The following ABRAXAS1 variants were observed in gnomAD, a reference collection of about 807,000 sequenced individuals.
ABRAXAS1 encodes BRCA1-A complex subunit Abraxas 1.
A neutral mutation model predicts 38.4 loss-of-function variants in ABRAXAS1; 26 were observed. The ratio of observed to expected loss-of-function variants is 0.68; its 90% CI spans 0.50 to 0.94. ABRAXAS1 has a LOEUF of 0.94. Ranked by LOEUF, ABRAXAS1 falls within the 40% of genes least tolerant of loss-of-function variation. The probability of loss-of-function intolerance (pLI) is 0.00; values close to 1 mark genes in which losing one functional copy is unlikely to be tolerated. For missense variants in ABRAXAS1, 438 were observed against 481.9 expected, an observed-to-expected ratio of 0.91 and a Z score of 0.85; for synonymous variants, 144 against 165.5, an observed-to-expected ratio of 0.87 and a Z score of 1.00.
intron 7 of ABRAXAS1, among the ~76,000 whole-genome samples, chr4:83,466,292 A>C (rs1395933475): frequency 6.6e-6 from 1 of 152,042 alleles, no homozygotes; most frequent in African/African-American, 2.4e-5. Context: ...AGGCCCAATA[A>C]ATCTCCTGCA....
chr4:83,475,400 T>G (rs574716410), intron 3 of ABRAXAS1, among the ~76,000 whole-genome samples: 2 of 152,318 alleles, frequency 1.3e-5, no homozygotes, highest in South Asian at 4.1e-4. Flanking sequence ...CTTATATAAC[T>G]TTAAAGATGT....
At position 83,460,589 on chromosome 4, in the gene ABRAXAS1, G is replaced by T. The variant is rs1722056127; in HGVS notation, c.*1880C>A. The T allele has an allele frequency of 9.6e-6, 2 of 209,116 alleles. No individual in the cohort carries two copies. Among genetic ancestry groups the T allele is most frequent in the South Asian group, 7.3e-5 (1 of 13,744 alleles). The allele number at this position is 209,116 out of a possible 1,614,324, so 13.0% of individuals were successfully genotyped here. A position where few individuals can be genotyped will look rare whatever the true frequency, so the allele number is the denominator to read the frequency against. The stretch of plus-strand genomic sequence containing the variant: ...TATTATTGTGGCCCTTGACAAAAAT[G>T]ATTTACCAATCCTTGACTTAAAAAC... On this transcript the variant is annotated 3_prime_UTR_variant, in exon 9 of 9. Coordinates refer to ENST00000321945, the MANE Select transcript of ABRAXAS1 (RefSeq NM_139076.3).
chr4:83,479,285 C>T (rs559822704), intron 2 of ABRAXAS1: 2 of 152,048 alleles, frequency 1.3e-5, no homozygotes, highest in South Asian at 2.1e-4. Context: ...CGCCGGTAAT[C>T]CCAGCTACTC....
rs36014997 is a variant in ABRAXAS1, at chr4:83,460,163, C to CTTT, written c.*2303_*2305dup. ...TTAGGTTCATCATATACAAATGCCA[C>CTTT]TTTTTTTTTTTTTTGAGATGGAATC... is the stretch of plus-strand genomic sequence containing the variant. On this transcript the variant is annotated 3_prime_UTR_variant, in exon 9 of 9. Coordinates refer to ENST00000321945, the MANE Select transcript of ABRAXAS1 (RefSeq NM_139076.3). 108 of 146,968 alleles carry CTTT rather than the reference C, an allele frequency of 7.3e-4. 1 individual carries two copies. Among genetic ancestry groups the CTTT allele is most frequent in the African/African-American group, 2.1e-3 (82 of 39,678 alleles). 9.1% of individuals were successfully genotyped at this position (146,968 alleles called of 1,614,324 possible). A position where few individuals can be genotyped will look rare whatever the true frequency, so the allele number is the denominator to read the frequency against.
At chr4:83,478,053 C>T in intron 2 of ABRAXAS1, 1 of 972,226 alleles carries the variant, frequency 1.0e-6, no homozygotes, top group Non-Finnish European at 1.6e-6. Context: ...AGTGTGGTTC[C>T]AACTGCTCAG....
intron 3 of ABRAXAS1, among the ~76,000 whole-genome samples, chr4:83,473,535 A>G (rs1219095143): frequency 6.6e-6 from 1 of 152,022 alleles, no homozygotes; most frequent in Non-Finnish European, 1.5e-5. Flanking sequence ...CTGATATAAC[A>G]TGCAGAATTC....
At chr4:83,474,895 G>C (rs1455806437) in intron 3 of ABRAXAS1, among the ~76,000 whole-genome samples, 2 of 152,064 alleles carry the variant, frequency 1.3e-5, no homozygotes, top group African/African-American at 4.8e-5. Flanking sequence ...CCATTAACTA[G>C]ATCTGTGGTC....
At chr4:83,464,745 TGCTC>T (rs1722284688) in intron 7 of ABRAXAS1, among the ~76,000 whole-genome samples, 2 of 152,218 alleles carry the variant, frequency 1.3e-5, no homozygotes, top group Non-Finnish European at 2.9e-5. Flanking sequence ...GCAGATCTTA[TGCTC>T]TAGAAGAGAT....
At position 83,459,842 on chromosome 4, in the gene ABRAXAS1, A is replaced by T; in HGVS notation, c.*2627T>A. On this transcript the variant is annotated 3_prime_UTR_variant, in exon 9 of 9. Transcript: ENST00000321945. ...GGGAATATAAATGTAGATACGAATT[A>T]TATCAATCTATTTCTATCATTTAAG... 6.9e-7 allele frequency: 1 copy of T among 1,457,582 alleles called. No individual in the cohort carries two copies. The highest frequency in any genetic ancestry group is 9.5e-7 in the Non-Finnish European group (1 of 1,056,374). The allele number at this position is 1,457,582 out of a possible 1,614,324, so 90.3% of individuals were successfully genotyped here.
intron 2 of ABRAXAS1, chr4:83,479,421 A>AAAAT (rs1722900508): frequency 6.6e-6 from 1 of 151,434 alleles, no homozygotes; most frequent in African/African-American, 2.4e-5. Context: ...AAAAAAAAAA[A>AAAAT]AGAGTATGGG....
chr4:83,471,465 A>G (rs901141078), intron 4 of ABRAXAS1, among the ~76,000 whole-genome samples: 4 of 151,732 alleles, frequency 2.6e-5, no homozygotes, highest in African/African-American at 9.7e-5. Context: ...TCCGCAGCCT[A>G]CCAAAGTACT....
chr4:83,463,737 T>C, intron 7 of ABRAXAS1, 129 bp from the exon 8 acceptor site: 3 of 446,424 alleles, frequency 6.7e-6, no homozygotes. Context: ...TTTATATAAA[T>C]TTTATTTATT....
intron 6 of ABRAXAS1, 72 bp from the exon 7 acceptor site, chr4:83,467,610 T>C (rs1020876080): frequency 3.8e-6 from 3 of 793,284 alleles, no homozygotes; most frequent in Non-Finnish European, 4.3e-6. Context: ...AACTTATTCA[T>C]TGTCAAGGAC....
intron 6 of ABRAXAS1, 55 bp from the exon 7 acceptor site, chr4:83,467,593 G>A (rs1223178315): frequency 2.3e-6 from 2 of 871,994 alleles, no homozygotes; most frequent in South Asian, 1.4e-5. Flanking sequence ...TTAATGATAA[G>A]GTGAAAAACT....
At chr4:83,482,074 T>A in intron 2 of ABRAXAS1, 80 bp downstream of exon 2, 1 of 907,836 alleles carries the variant, frequency 1.1e-6, no homozygotes, top group South Asian at 1.7e-5. Flanking sequence ...AAATAATAAT[T>A]TACGCTGACC....
intron 4 of ABRAXAS1, among the ~76,000 whole-genome samples, chr4:83,470,769 A>G (rs908649503): frequency 6.6e-6 from 1 of 152,242 alleles, no homozygotes; most frequent in Admixed American, 6.5e-5. Flanking sequence ...CCTGAAAATA[A>G]ATTAATCGCC....
At chr4:83,477,887 T>C (rs950999875) in intron 2 of ABRAXAS1, 28 of 738,180 alleles carry the variant, frequency 3.8e-5, no homozygotes, top group Non-Finnish European at 7.0e-5. Flanking sequence ...CAACATGATC[T>C]GTGGGGTAGT....
At position 83,469,091 on chromosome 4, in the gene ABRAXAS1, A is replaced by G; in HGVS notation, c.537T>C (p.Tyr179=). 6.2e-7 allele frequency: 1 copy of G among 1,614,062 alleles called. No homozygotes were observed. Among genetic ancestry groups the G allele is most frequent in the Non-Finnish European group, 8.5e-7 (1 of 1,179,990 alleles). ...ANLGMSEQLG[Y]KTVSGSCMST... is the part of the protein sequence containing the mutation. ...ACATACAGGAACCTGATACAGTTTT[A>G]TAACCCAGTTGTTCAGACATGCCCA... The change falls in exon 6 of 9, where the codon TAT becomes TAC. Residue 179 remains tyrosine, a synonymous_variant. Coordinates refer to ENST00000321945, the MANE Select transcript of ABRAXAS1 (RefSeq NM_139076.3).
Position 83,460,114 on chromosome 4 carries a change from C to T in ABRAXAS1, c.*2355G>A, listed in dbSNP as rs185612745. The stretch of plus-strand genomic sequence containing the variant: ...CAAACTATGGCCCATAGGCCAAATT[C>T]GACCTGCTCCCTTTTTATCTTGATT... On this transcript the variant is annotated 3_prime_UTR_variant, in exon 9 of 9. Transcript: ENST00000321945. 164 of 188,650 alleles carry T rather than the reference C, an allele frequency of 8.7e-4. 1 individual carries two copies. Among genetic ancestry groups the T allele is most frequent in the South Asian group, 1.8e-3 (10 of 5,672 alleles). The allele number at this position is 188,650 out of a possible 1,614,324, so 11.7% of individuals were successfully genotyped here.
Sources: gnomAD v4.1 joint callset for allele counts (sites outside exome capture counted in the v4.1 genomes callset) on GRCh38, gnomAD v4.1.1 for gene constraint, MANE v1.5 for transcripts, NCBI Gene and HGNC (gene_info 2026-07-23, HGNC 2026-07-21) for gene names.